The following TENM3 variants were observed in gnomAD, a reference collection of about 807,000 sequenced individuals.
The protein encoded by TENM3 is teneurin transmembrane protein 3.
A neutral mutation model predicts 255.1 loss-of-function variants in TENM3; 63 were observed. The ratio of observed to expected loss-of-function variants is 0.25; its 90% CI spans 0.20 to 0.30. The LOEUF is 0.30. TENM3 is among the 10% of genes least tolerant of loss of function. The pLI, the probability that TENM3 is intolerant of heterozygous loss-of-function variation, is 1.00. For synonymous variants in TENM3, 1,306 were observed against 1,322.3 expected (o/e 0.99, Z 0.27); for missense variants, 2,929 against 3,461.1 (o/e 0.85, Z 3.86).
At chr4:181,765,592 G>A in the TENM3 span, among the ~76,000 whole-genome samples, 8 of 152,138 alleles carry the variant, frequency 5.3e-5, no homozygotes, top group Non-Finnish European at 1.0e-4. Context: ...TGTTGTCAAT[G>A]ACTTTGGGGA....
intron 3 of TENM3, among the ~76,000 whole-genome samples, chr4:182,354,746 C>T (rs1765410937): frequency 6.6e-6 from 1 of 152,106 alleles, no homozygotes; most frequent in Non-Finnish European, 1.5e-5. Flanking sequence ...AAACGTGAAA[C>T]CTATTTGAAT....
At chr4:181,476,207 T>G in the TENM3 span, among the ~76,000 whole-genome samples, 3 of 14,250 alleles carry the variant, frequency 2.1e-4, no homozygotes, top group African/African-American at 6.5e-4. Context: ...ATTTTAGGGG[T>G]TTTTTTTTTT....
chr4:182,124,863 G>A, the TENM3 span, among the ~76,000 whole-genome samples: 1 of 152,380 alleles, frequency 6.6e-6, no homozygotes, highest in Non-Finnish European at 1.5e-5. Flanking sequence ...CTGGTCTGAG[G>A]GGAGGGATGA....
chr4:182,455,196 A>G (rs1403195350), intron 3 of TENM3, among the ~76,000 whole-genome samples: 1 of 152,192 alleles, frequency 6.6e-6, no homozygotes, highest in Non-Finnish European at 1.5e-5. Flanking sequence ...TTGTTTAAGA[A>G]TCATTTATTT....
the TENM3 span, among the ~76,000 whole-genome samples, chr4:182,055,482 T>C: frequency 6.6e-6 from 1 of 152,180 alleles, no homozygotes; most frequent in East Asian, 1.9e-4. Context: ...AGTATGCATG[T>C]CAAAGTCACT....
chr4:182,361,534 C>T (rs1765980597), intron 3 of TENM3, among the ~76,000 whole-genome samples: 1 of 152,158 alleles, frequency 6.6e-6, no homozygotes, highest in African/African-American at 2.4e-5. Flanking sequence ...CTTCTGCATT[C>T]TTCACGTAGT....
chr4:182,389,765 A>G lies in TENM3; in HGVS notation c.511+42836A>G, dbSNP rs375632502. On this transcript the variant is annotated intron_variant, in intron 3 of 27. Transcript: ENST00000511685. The stretch of plus-strand genomic sequence containing the variant: ...CAGTGGCGCGATCTCGGCTCACTGC[A>G]AGCTCCGCCTCCCGGGTTCGCGCCA... Among the ~76,000 whole-genome samples the G allele has an allele frequency of 3.7e-3, 514 of 139,580 alleles. 1 individual carries two copies. The highest frequency in any genetic ancestry group is 0.013 in the African/African-American group (487 of 37,796). The allele number at this position is 139,580 out of a possible 152,430, so 91.6% of individuals were successfully genotyped here. A position where few individuals can be genotyped will look rare whatever the true frequency, so the allele number is the denominator to read the frequency against.
At chr4:181,791,238 T>TG in the TENM3 span, among the ~76,000 whole-genome samples, 1 of 152,144 alleles carries the variant, frequency 6.6e-6, no homozygotes, top group Admixed American at 6.6e-5. Flanking sequence ...GTCTCTTTTG[T>TG]GGGGGGTATT....
chr4:181,637,960 G>A, the TENM3 span, among the ~76,000 whole-genome samples: 4 of 152,102 alleles, frequency 2.6e-5, no homozygotes, highest in Non-Finnish European at 4.4e-5. Flanking sequence ...CTGCCCAGCT[G>A]TAGTTCATCA....
intron 3 of TENM3, among the ~76,000 whole-genome samples, chr4:182,552,699 T>C (rs1453962241): frequency 1.3e-5 from 2 of 152,162 alleles, no homozygotes; most frequent in African/African-American, 2.4e-5. Context: ...AGTTCTAGCA[T>C]TGGCCAAAGA....
intron 3 of TENM3, 69 bp downstream of exon 3, chr4:182,346,998 G>GA (rs942961597): frequency 2.6e-6 from 3 of 1,147,778 alleles, no homozygotes; most frequent in South Asian, 1.9e-5. Flanking sequence ...GACTCCGCGG[G>GA]GGGGGATGTT....
intron 1 of TENM3, among the ~76,000 whole-genome samples, chr4:182,203,553 G>T (rs766216588): frequency 2.6e-5 from 4 of 152,184 alleles, no homozygotes; most frequent in Non-Finnish European, 5.9e-5. Flanking sequence ...TGTTTCTGGG[G>T]CCAAGAGTTT....
At chr4:182,521,926 A>G (rs1283378130) in intron 3 of TENM3, among the ~76,000 whole-genome samples, 1 of 152,194 alleles carries the variant, frequency 6.6e-6, no homozygotes, top group African/African-American at 2.4e-5. Context: ...TCAAACAGAA[A>G]ATAGTCTTTA....
At chr4:182,630,804 A>G (rs1751299533) in intron 5 of TENM3, among the ~76,000 whole-genome samples, 2 of 151,968 alleles carry the variant, frequency 1.3e-5, no homozygotes, top group South Asian at 4.1e-4. Context: ...CACACCAGGT[A>G]GATAAATATT....
At chr4:181,968,659 A>G in the TENM3 span, among the ~76,000 whole-genome samples, 2 of 152,198 alleles carry the variant, frequency 1.3e-5, no homozygotes, top group Non-Finnish European at 2.9e-5. Flanking sequence ...ATAGTTCATC[A>G]TTATTACTAC....
chr4:182,576,126 T>G (rs1744892953), intron 3 of TENM3, among the ~76,000 whole-genome samples: 1 of 152,232 alleles, frequency 6.6e-6, no homozygotes, highest in East Asian at 1.9e-4. Flanking sequence ...TTTTTAACTT[T>G]TTCTTTCTCT....
intron 3 of TENM3, among the ~76,000 whole-genome samples, chr4:182,422,640 A>G (rs1363797679): frequency 1.3e-5 from 2 of 152,228 alleles, no homozygotes; most frequent in Non-Finnish European, 1.5e-5. Flanking sequence ...ACTTGAAATT[A>G]GAATCGACTT....
chr4:182,738,269 A>T, intron 17 of TENM3, 132 bp from the exon 18 acceptor site: 1 of 698,730 alleles, frequency 1.4e-6, no homozygotes, highest in Non-Finnish European at 2.2e-6. Flanking sequence ...TTAAAAAATA[A>T]ACTGCTCATA....
chr4:182,087,475 A>G, the TENM3 span, among the ~76,000 whole-genome samples: 1 of 152,168 alleles, frequency 6.6e-6, no homozygotes, highest in Admixed American at 6.5e-5. Context: ...CTTGATGTCA[A>G]TGAATCAGGA....
Sources: gnomAD v4.1 joint callset for allele counts (sites outside exome capture counted in the v4.1 genomes callset) on GRCh38, gnomAD v4.1.1 for gene constraint, MANE v1.5 for transcripts, NCBI Gene and HGNC (gene_info 2026-07-23, HGNC 2026-07-21) for gene names.